Variants in PARD3B observed in about 807,000 individuals in gnomAD.
The protein encoded by PARD3B is par-3 family cell polarity regulator beta, also known as partitioning defective 3 homolog B.
In PARD3B, 103 loss-of-function variants were observed where a neutral mutation model predicts 130.2. The observed-to-expected ratio is 0.79, with a 90% confidence interval of 0.67 to 0.93. PARD3B has a LOEUF of 0.93. Ranked by LOEUF, PARD3B falls within the 40% of genes least tolerant of loss-of-function variation. PARD3B has a pLI of 0.00. For synonymous variants in PARD3B, 583 were observed against 553.2 expected, an observed-to-expected ratio of 1.05 and a Z score of -0.76; for missense variants, 1,609 against 1,499.2, an observed-to-expected ratio of 1.07 and a Z score of -1.21.
At chr2:205,036,184 C>T (rs9677723) in intron 3 of PARD3B, among the ~76,000 whole-genome samples, 68,621 of 138,910 alleles carry the variant, frequency 0.49, 17,207 homozygotes, top group Admixed American at 0.57. Flanking sequence ...ACTATATATA[C>T]AAAATAAGTA....
intron 18 of PARD3B, among the ~76,000 whole-genome samples, chr2:205,384,333 A>G (rs537150943): frequency 6.6e-6 from 1 of 152,244 alleles, no homozygotes; most frequent in Non-Finnish European, 1.5e-5. Flanking sequence ...GTGACCATAA[A>G]AATGGAAAGA....
At chr2:204,750,633 C>CATACAT (rs779652964) in intron 2 of PARD3B, among the ~76,000 whole-genome samples, 1 of 149,138 alleles carries the variant, frequency 6.7e-6, no homozygotes, top group Non-Finnish European at 1.5e-5. Context: ...TACATACATA[C>CATACAT]ACACACACAT....
At chr2:205,387,463 G>C (rs1291006409) in intron 18 of PARD3B, among the ~76,000 whole-genome samples, 1 of 152,100 alleles carries the variant, frequency 6.6e-6, no homozygotes, top group Non-Finnish European at 1.5e-5. Flanking sequence ...TGGATTTATT[G>C]TTCTTTTATC....
At position 204,545,959 on chromosome 2, in the gene PARD3B, C is replaced by A; in HGVS notation, c.-41C>A. ...TGGGGGCTGCGCCCGCGGGGTCAGA[C>A]ACCTGTTCGGCCCGGCCCGGCGTGG... is the stretch of plus-strand genomic sequence containing the variant. On this transcript the variant is annotated 5_prime_UTR_variant, in exon 1 of 23. Transcript: ENST00000406610. 1 of 1,527,150 alleles carries A rather than the reference C, an allele frequency of 6.5e-7. No homozygotes were observed. 94.6% of individuals were successfully genotyped at this position (1,527,150 alleles called of 1,614,324 possible).
At chr2:205,494,449 T>C (rs545280963) in intron 20 of PARD3B, among the ~76,000 whole-genome samples, 2 of 152,170 alleles carry the variant, frequency 1.3e-5, no homozygotes, top group Non-Finnish European at 2.9e-5. Context: ...CTTTGTCATA[T>C]GTTGATTCTC....
In PARD3B at chr2:205,012,502, A is replaced by T. The variant is rs546682393; in HGVS notation, c.395-35079A>T. 3.9e-5 allele frequency among the ~76,000 whole-genome samples: 6 copies of T among 152,230 alleles called. No individual in the cohort carries two copies. The South Asian group carries it at 1.2e-3, about 32-fold the overall frequency. ...GATTATGCTTTCCATGACTCTTTTG[A>T]TTTCTGGCTGCTTTAGAATGTAGAT... On this transcript the variant is annotated intron_variant, in intron 3 of 22. Transcript: ENST00000406610.
chr2:204,946,489 G>T (rs899303053), intron 2 of PARD3B, among the ~76,000 whole-genome samples: 3 of 152,086 alleles, frequency 2.0e-5, no homozygotes, highest in Non-Finnish European at 2.9e-5. Context: ...CTAGCCTGCA[G>T]ATTCCATCAT....
intron 2 of PARD3B, among the ~76,000 whole-genome samples, chr2:204,713,612 T>C (rs1031619562): frequency 3.3e-5 from 5 of 152,062 alleles, no homozygotes; most frequent in African/African-American, 1.2e-4. Context: ...TTTTGTGTCT[T>C]TGAATTTGGC....
In PARD3B at chr2:205,473,189, A is replaced by G. The variant is rs138752762; in HGVS notation, c.3045-26707A>G. Among the ~76,000 whole-genome samples, 131 of 152,228 alleles carry G rather than the reference A, an allele frequency of 8.6e-4. 1 individual carries two copies. The East Asian group carries it at 0.024, about 28-fold the overall frequency. Reference sequence around the variant, plus strand: ...TCCACCATAAACATCTGCCATGATAATTCTCCACTGCTAGACCTCAGAAGA... The same window carrying G: ...TCCACCATAAACATCTGCCATGATAGTTCTCCACTGCTAGACCTCAGAAGA... On this transcript the variant is annotated intron_variant, in intron 20 of 22. Coordinates refer to ENST00000406610, the MANE Select transcript of PARD3B (RefSeq NM_001302769.2). This position sits in a 1 kb window ranked among gnomAD's most constrained non-coding sequence, Gnocchi z 4.9.
chr2:204,976,567 G>GA (rs367834201), intron 3 of PARD3B, among the ~76,000 whole-genome samples: 1 of 147,738 alleles, frequency 6.8e-6, no homozygotes, highest in Non-Finnish European at 1.5e-5. Flanking sequence ...TCATTTGGAG[G>GA]AAAAAATAAA....
At chr2:205,038,130 A>G (rs1698139971) in intron 3 of PARD3B, among the ~76,000 whole-genome samples, 1 of 152,138 alleles carries the variant, frequency 6.6e-6, no homozygotes. Context: ...TTTGGCATAT[A>G]CACCTGAAAA....
chr2:205,552,443 A>G (rs536266316), intron 21 of PARD3B, among the ~76,000 whole-genome samples: 3 of 152,248 alleles, frequency 2.0e-5, no homozygotes, highest in African/African-American at 7.2e-5. Context: ...AAGTCTCACT[A>G]TGTCAGCCAA....
intron 10 of PARD3B, among the ~76,000 whole-genome samples, chr2:205,132,928 A>C (rs2032142886): frequency 6.6e-6 from 1 of 152,146 alleles, no homozygotes; most frequent in Non-Finnish European, 1.5e-5. Context: ...TGTTGACTGA[A>C]TGAATGAAAG....
intron 2 of PARD3B, among the ~76,000 whole-genome samples, chr2:204,738,702 TC>T (rs148820036): frequency 0.028 from 4,191 of 152,196 alleles, 181 homozygotes; most frequent in African/African-American, 0.096. Context: ...GGTCCCCACA[TC>T]CTTTCTGGCT....
intron 1 of PARD3B, among the ~76,000 whole-genome samples, chr2:204,587,066 A>C (rs1422352251): frequency 6.6e-6 from 1 of 152,200 alleles, no homozygotes; most frequent in East Asian, 1.9e-4. Context: ...GGAAACATTC[A>C]GTTTTAGGAA....
intron 22 of PARD3B, among the ~76,000 whole-genome samples, chr2:205,581,589 ATAAC>A (rs973586313): frequency 2.7e-5 from 4 of 150,742 alleles, no homozygotes; most frequent in African/African-American, 7.3e-5. Flanking sequence ...ATATTTTTAA[ATAAC>A]TAAAACAGTG....
chr2:205,383,097 T>TAGATAGATAGATAGATAGATAGATAGAG (rs1559038632), intron 18 of PARD3B, among the ~76,000 whole-genome samples: 55 of 132,806 alleles, frequency 4.1e-4, no homozygotes, highest in East Asian at 1.4e-3. Context: ...GATAGATAGA[T>TAGATAGATAGATAGATAGATAGATAGAG]AGATAGATAG....
rs371417438 is a variant in PARD3B, at chr2:205,116,607, C to T, written c.681-2314C>T. ...CTTTAAATTCTGCGAGTCTTGGTCC[C>T]AAATGAGACAGCTACCACAGCCCAC... On this transcript the variant is annotated intron_variant, in intron 6 of 22. Coordinates refer to ENST00000406610, the MANE Select transcript of PARD3B (RefSeq NM_001302769.2). This position sits in a 1 kb window ranked among gnomAD's most constrained non-coding sequence, Gnocchi z 4.5. 6.6e-6 allele frequency among the ~76,000 whole-genome samples: 1 copy of T among 152,132 alleles called. No individual in the cohort carries two copies. The highest frequency in any genetic ancestry group is 1.9e-4 in the East Asian group (1 of 5,200).
intron 15 of PARD3B, among the ~76,000 whole-genome samples, chr2:205,202,659 A>G (rs1157185128): frequency 6.6e-6 from 1 of 152,164 alleles, no homozygotes; most frequent in Non-Finnish European, 1.5e-5. Context: ...AACTTTCTCA[A>G]ATGCCCCCAT....
Sources: gnomAD v4.1 joint callset for allele counts (sites outside exome capture counted in the v4.1 genomes callset) on GRCh38, gnomAD v4.1.1 for gene constraint, Gnocchi (gnomAD v3.1) non-coding constraint, MANE v1.5 for transcripts, NCBI Gene and HGNC (gene_info 2026-07-23, HGNC 2026-07-21) for gene names.